CDH4: variants seen among roughly 807,000 people sequenced by gnomAD.
The protein encoded by CDH4 is cadherin-4.
Under a neutral mutation model 86.0 loss-of-function variants are expected in CDH4, and 33 were observed. The ratio of observed to expected loss-of-function variants is 0.38; its 90% confidence interval spans 0.29 to 0.51. CDH4 has a LOEUF of 0.51. Ranked by LOEUF, CDH4 falls within the 20% of genes least tolerant of loss-of-function variation. The probability of loss-of-function intolerance (pLI) is 0.86; values close to 1 mark genes in which losing one functional copy is unlikely to be tolerated. For missense variants in CDH4, 1,114 were observed against 1,307.4 expected (o/e 0.85, Z 2.28); for synonymous variants, 555 against 549.4 (o/e 1.01, Z -0.14).
At chr20:61,576,489 G>A (rs1294879957) in intron 2 of CDH4, among the ~76,000 whole-genome samples, 1 of 152,170 alleles carries the variant, frequency 6.6e-6, no homozygotes, top group Non-Finnish European at 1.5e-5. Flanking sequence ...CAGGATCTAG[G>A]ACAGCACCTG....
intron 2 of CDH4, among the ~76,000 whole-genome samples, chr20:61,546,453 G>C (rs1040224877): frequency 1.3e-5 from 2 of 151,730 alleles, no homozygotes; most frequent in Non-Finnish European, 2.9e-5. Context: ...GACATTCTAG[G>C]GACTCAGTGC....
chr20:61,280,806 G>T (rs2084254592), intron 2 of CDH4, among the ~76,000 whole-genome samples: 1 of 152,138 alleles, frequency 6.6e-6, no homozygotes, highest in Admixed American at 6.5e-5. Context: ...CCCTGGTGGG[G>T]GGTTTCGATG....
intron 4 of CDH4, among the ~76,000 whole-genome samples, chr20:61,789,106 G>C (rs1163448842): frequency 6.6e-6 from 1 of 152,182 alleles, no homozygotes; most frequent in Non-Finnish European, 1.5e-5. Context: ...TCAGGCACCA[G>C]GGCTCAGGGA....
intron 2 of CDH4, among the ~76,000 whole-genome samples, chr20:61,699,293 C>T (rs1400520430): frequency 6.6e-6 from 1 of 151,982 alleles, no homozygotes; most frequent in African/African-American, 2.4e-5. Context: ...GATGAGGGGG[C>T]AGAGAGGCAG....
chr20:61,275,040 A>C (rs1344875339), intron 2 of CDH4, among the ~76,000 whole-genome samples: 1 of 115,102 alleles, frequency 8.7e-6, no homozygotes, highest in African/African-American at 3.5e-5. Flanking sequence ...CACCATGCAC[A>C]GTTTGGGGGA....
intron 2 of CDH4, among the ~76,000 whole-genome samples, chr20:61,698,103 C>T (rs960556494): frequency 1.3e-5 from 2 of 152,256 alleles, no homozygotes; most frequent in Admixed American, 1.3e-4. Flanking sequence ...ATTAGCCGCA[C>T]GTTGCTGGAC....
intron 3 of CDH4, among the ~76,000 whole-genome samples, chr20:61,769,359 T>C (rs2088746813): frequency 6.6e-6 from 1 of 152,150 alleles, no homozygotes; most frequent in Non-Finnish European, 1.5e-5. Context: ...GCCTGGGAGC[T>C]CAGACCTGTT....
intron 2 of CDH4, among the ~76,000 whole-genome samples, chr20:61,605,766 T>G (rs1401156725): frequency 1.3e-5 from 2 of 152,050 alleles, no homozygotes; most frequent in African/African-American, 4.8e-5. Flanking sequence ...TGAGAAGCTG[T>G]GACCTGTGGT....
intron 2 of CDH4, among the ~76,000 whole-genome samples, chr20:61,369,542 A>C (rs1288840580): frequency 6.6e-6 from 1 of 151,348 alleles, no homozygotes; most frequent in Non-Finnish European, 1.5e-5. Flanking sequence ...ATGGCATTGC[A>C]TCTTGCTATG....
intron 2 of CDH4, chr20:61,499,581 GA>G: frequency 3.3e-6 from 4 of 1,195,064 alleles, no homozygotes; most frequent in Non-Finnish European, 4.4e-6. Flanking sequence ...CAGTGTCCCT[GA>G]GGTCACACAG....
At chr20:61,469,568 A>G (rs1335068584) in intron 2 of CDH4, among the ~76,000 whole-genome samples, 2 of 152,034 alleles carry the variant, frequency 1.3e-5, no homozygotes, top group African/African-American at 4.8e-5. Context: ...AACTTGATGT[A>G]ATCTTATTTG....
chr20:61,380,709 A>C lies in CDH4; in HGVS notation c.169+125772A>C, dbSNP rs1455734754. Among the ~76,000 whole-genome samples, 7 of 152,312 alleles carry C rather than the reference A, an allele frequency of 4.6e-5. No homozygotes were observed. The East Asian group carries it at 1.3e-3, about 29-fold the overall frequency. On this transcript the variant is annotated intron_variant, in intron 2 of 15. Transcript: ENST00000614565. ...TTTTAAAGACCATATGAACTGTTAAATGGCTCAATATGGCAGCCCGCATGG... is the reference window on the plus strand; with the variant it reads ...TTTTAAAGACCATATGAACTGTTAACTGGCTCAATATGGCAGCCCGCATGG...
At chr20:61,710,398 C>G (rs1295507849) in intron 2 of CDH4, among the ~76,000 whole-genome samples, 1 of 152,208 alleles carries the variant, frequency 6.6e-6, no homozygotes, top group Non-Finnish European at 1.5e-5. Flanking sequence ...ACAGGAACTC[C>G]CAAGCTGCCA....
intron 2 of CDH4, among the ~76,000 whole-genome samples, chr20:61,569,789 G>T (rs1374497997): frequency 6.6e-6 from 1 of 152,126 alleles, no homozygotes; most frequent in Non-Finnish European, 1.5e-5. Flanking sequence ...AGATTCCTGG[G>T]CCTTTCTTTG....
At chr20:61,919,371 A>G in intron 9 of CDH4, among the ~76,000 whole-genome samples, 1 of 152,194 alleles carries the variant, frequency 6.6e-6, no homozygotes, top group Admixed American at 6.5e-5. Context: ...GCCGGCCCCA[A>G]GCATGGGGAG....
chr20:61,336,419 A>AACC (rs1022969560), intron 2 of CDH4, among the ~76,000 whole-genome samples: 2 of 151,954 alleles, frequency 1.3e-5, no homozygotes, highest in African/African-American at 2.4e-5. Flanking sequence ...CCTCCACCAC[A>AACC]ACCACCACCA....
At position 61,879,777 on chromosome 20, in the gene CDH4, G is replaced by A. The variant is rs1456924290; in HGVS notation, c.1050+5877G>A. On this transcript the variant is annotated intron_variant, in intron 7 of 15. Coordinates refer to ENST00000614565, the MANE Select transcript of CDH4 (RefSeq NM_001794.5). This position sits in a 1 kb window ranked among gnomAD's most constrained non-coding sequence, Gnocchi z 4.1. The stretch of plus-strand genomic sequence containing the variant: ...AGACGCAGGCGCTGTTCCGATTGTT[G>A]GGCAGTGAAATTAGCACCGGGCCAG... Among the ~76,000 whole-genome samples, 2 of 152,136 alleles carry A rather than the reference G, an allele frequency of 1.3e-5. No homozygotes were observed. Among genetic ancestry groups the A allele is most frequent in the African/African-American group, 2.4e-5 (1 of 41,416 alleles).
chr20:61,874,078 C>T (rs1280232832), intron 7 of CDH4, among the ~76,000 whole-genome samples, 178 bp downstream of exon 7: 1 of 152,188 alleles, frequency 6.6e-6, no homozygotes, highest in Non-Finnish European at 1.5e-5. Flanking sequence ...CACTCAGCAC[C>T]GGCTGCTATG....
intron 2 of CDH4, among the ~76,000 whole-genome samples, chr20:61,512,061 A>G (rs1341551102): frequency 1.3e-5 from 2 of 152,088 alleles, no homozygotes; most frequent in East Asian, 3.9e-4. Flanking sequence ...GCCTGCAAGG[A>G]CTGTAATCAA....
Sources: gnomAD v4.1 joint callset for allele counts (sites outside exome capture counted in the v4.1 genomes callset) on GRCh38, gnomAD v4.1.1 for gene constraint, Gnocchi (gnomAD v3.1) non-coding constraint, MANE v1.5 for transcripts, NCBI Gene and HGNC (gene_info 2026-07-23, HGNC 2026-07-21) for gene names.